Variants in PLCB1 observed in about 807,000 individuals in gnomAD.
The protein encoded by PLCB1 is 1-phosphatidylinositol 4,5-bisphosphate phosphodiesterase beta-1.
PLCB1 carries 46 observed loss-of-function variants against 161.8 expected under a neutral mutation model. The ratio of observed to expected loss-of-function variants is 0.28; its 90% CI spans 0.22 to 0.36. PLCB1 has a LOEUF of 0.36. Ranked by LOEUF, PLCB1 falls within the 10% of genes least tolerant of loss-of-function variation. The probability of loss-of-function intolerance (pLI) is 1.00; values close to 1 mark genes in which losing one functional copy is unlikely to be tolerated. For synonymous variants in PLCB1, 517 were observed against 503.7 expected (o/e 1.03, Z -0.35); for missense variants, 1,016 against 1,472.5 (o/e 0.69, Z 5.07).
chr20:8,487,534 T>C (rs1238091334), intron 3 of PLCB1, among the ~76,000 whole-genome samples: 1 of 152,192 alleles, frequency 6.6e-6, no homozygotes, highest in Admixed American at 6.5e-5. Flanking sequence ...AACTCCATCA[T>C]GGAGTTTTGT....
intron 2 of PLCB1, among the ~76,000 whole-genome samples, chr20:8,299,660 G>A (rs1414210053): frequency 2.0e-5 from 3 of 152,062 alleles, no homozygotes; most frequent in Non-Finnish European, 4.4e-5. Context: ...CCTCCAAAAC[G>A]GCTGTTCCTC....
At chr20:8,760,730 A>C (rs1280918122) in intron 25 of PLCB1, among the ~76,000 whole-genome samples, 1 of 152,246 alleles carries the variant, frequency 6.6e-6, no homozygotes, top group Non-Finnish European at 1.5e-5. Context: ...GAATAGTTTC[A>C]TGCTGGAAAT....
At chr20:8,434,752 A>T (rs771941) in intron 3 of PLCB1, among the ~76,000 whole-genome samples, 66 of 152,152 alleles carry the variant, frequency 4.3e-4, no homozygotes, top group African/African-American at 1.5e-3. Flanking sequence ...AGAGCTCATG[A>T]GCTTAACCAG....
intron 2 of PLCB1, among the ~76,000 whole-genome samples, chr20:8,321,341 A>G (rs1287138598): frequency 6.6e-6 from 1 of 152,198 alleles, no homozygotes; most frequent in Non-Finnish European, 1.5e-5. Context: ...ATTGGTATTC[A>G]TCATACCTCT....
intron 3 of PLCB1, among the ~76,000 whole-genome samples, chr20:8,382,768 C>T (rs763317301): frequency 2.1e-4 from 32 of 152,166 alleles, no homozygotes; most frequent in Non-Finnish European, 3.4e-4. Flanking sequence ...AGGATGGTCT[C>T]GATCTCCTGA....
intron 3 of PLCB1, among the ~76,000 whole-genome samples, chr20:8,469,741 C>T (rs1330407307): frequency 6.6e-6 from 1 of 152,134 alleles, no homozygotes; most frequent in Non-Finnish European, 1.5e-5. Context: ...TAACAAGTAA[C>T]CAGTCACCTA....
intron 3 of PLCB1, among the ~76,000 whole-genome samples, chr20:8,608,711 T>C (rs1244475287): frequency 6.6e-6 from 1 of 152,170 alleles, no homozygotes; most frequent in African/African-American, 2.4e-5. Flanking sequence ...CATAGCAACA[T>C]GCACAGTGTA....
chr20:8,777,534 CAT>C (rs1344230284), intron 27 of PLCB1, among the ~76,000 whole-genome samples: 1 of 151,956 alleles, frequency 6.6e-6, no homozygotes, highest in Non-Finnish European at 1.5e-5. Context: ...GCCTGGGAAA[CAT>C]AGTGAAACCC....
intron 3 of PLCB1, among the ~76,000 whole-genome samples, chr20:8,555,030 G>T (rs972863594): frequency 6.6e-6 from 1 of 152,058 alleles, no homozygotes. Flanking sequence ...AAGTTAAAAT[G>T]TCACAAATCT....
intron 31 of PLCB1, among the ~76,000 whole-genome samples, chr20:8,853,740 A>C (rs1986968095): frequency 6.6e-6 from 1 of 152,232 alleles, no homozygotes; most frequent in African/African-American, 2.4e-5. Flanking sequence ...ACATTTCCCT[A>C]GAAAGATTCT....
At chr20:8,346,027 C>A (rs1005382290) in intron 2 of PLCB1, among the ~76,000 whole-genome samples, 1 of 152,080 alleles carries the variant, frequency 6.6e-6, no homozygotes, top group African/African-American at 2.4e-5. Context: ...TTGTGTTTTA[C>A]GTTAGGTCTT....
intron 3 of PLCB1, among the ~76,000 whole-genome samples, chr20:8,517,816 T>A (rs900086734): frequency 8.5e-5 from 13 of 152,278 alleles, no homozygotes; most frequent in Non-Finnish European, 1.9e-4. Flanking sequence ...CTGTCAGGTA[T>A]GTTTATCCTA....
At chr20:8,638,812 C>T (rs1283653748) in intron 4 of PLCB1, among the ~76,000 whole-genome samples, 1 of 152,150 alleles carries the variant, frequency 6.6e-6, no homozygotes. Flanking sequence ...TCTATTATTG[C>T]TTCCATTTTA....
chr20:8,450,045 A>G (rs1981003262), intron 3 of PLCB1, among the ~76,000 whole-genome samples: 1 of 152,218 alleles, frequency 6.6e-6, no homozygotes, highest in Admixed American at 6.5e-5. Context: ...CAATTATTCA[A>G]TAAAATAAGA....
At chr20:8,513,789 C>T (rs943698133) in intron 3 of PLCB1, among the ~76,000 whole-genome samples, 2 of 152,064 alleles carry the variant, frequency 1.3e-5, no homozygotes, top group Non-Finnish European at 2.9e-5. Context: ...GCAGAAAGAT[C>T]GCTTGAGCTC....
intron 3 of PLCB1, among the ~76,000 whole-genome samples, chr20:8,496,468 C>A (rs941925283): frequency 6.6e-6 from 1 of 152,216 alleles, no homozygotes; most frequent in Admixed American, 6.5e-5. Flanking sequence ...CGCGCCACTG[C>A]GCCCCAGAGA....
At chr20:8,190,481 C>T (rs916580406) in intron 2 of PLCB1, among the ~76,000 whole-genome samples, 4 of 152,016 alleles carry the variant, frequency 2.6e-5, no homozygotes, top group Non-Finnish European at 4.4e-5. Context: ...TTGTAGTTAG[C>T]GGCTTGATAC....
intron 2 of PLCB1, among the ~76,000 whole-genome samples, chr20:8,158,664 G>A (rs375209593): frequency 2.6e-5 from 4 of 152,100 alleles, no homozygotes; most frequent in Admixed American, 6.6e-5. Flanking sequence ...CTGTAAAATC[G>A]AAAGCTAGTT....
At chr20:8,451,939 G>A (rs1981092386) in intron 3 of PLCB1, among the ~76,000 whole-genome samples, 1 of 150,804 alleles carries the variant, frequency 6.6e-6, no homozygotes, top group Non-Finnish European at 1.5e-5. Context: ...AAAACCTGTA[G>A]TATAGATCTT....
Sources: gnomAD v4.1 joint callset for allele counts (sites outside exome capture counted in the v4.1 genomes callset) on GRCh38, gnomAD v4.1.1 for gene constraint, MANE v1.5 for transcripts, NCBI Gene and HGNC (gene_info 2026-07-23, HGNC 2026-07-21) for gene names.